Variants in KIRREL1 observed in about 807,000 individuals in gnomAD.
The protein encoded by KIRREL1 is kin of IRRE-like protein 1.
In KIRREL1, 25 loss-of-function variants were observed where a neutral mutation model predicts 83.3. The observed-to-expected ratio is 0.30, with a 90% confidence interval of 0.22 to 0.42. The LOEUF (loss-of-function observed/expected upper bound fraction) is 0.42, where lower values mean the gene tolerates loss of function less well. Among genes scored for constraint, KIRREL1 ranks in the 10% least tolerant of loss-of-function variants. KIRREL1 has a pLI of 1.00. For missense variants in KIRREL1, 812 were observed against 1,032.3 expected, an observed-to-expected ratio of 0.79 and a Z score of 2.92; for synonymous variants, 388 against 410.4, an observed-to-expected ratio of 0.95 and a Z score of 0.66.
chr1:158,005,881 G>T (rs1011399654), intron 1 of KIRREL1, among the ~76,000 whole-genome samples: 1 of 151,812 alleles, frequency 6.6e-6, no homozygotes. Flanking sequence ...AGATCCACAG[G>T]CCAGAGGAGA....
At chr1:158,067,765 C>G (rs1404723904) in intron 1 of KIRREL1, among the ~76,000 whole-genome samples, 1 of 152,216 alleles carries the variant, frequency 6.6e-6, no homozygotes, top group Non-Finnish European at 1.5e-5. Flanking sequence ...TTTTTCAGGG[C>G]TCTGTTCCTG....
At chr1:158,087,160 A>G (rs1010263780) in intron 5 of KIRREL1, among the ~76,000 whole-genome samples, 1 of 152,160 alleles carries the variant, frequency 6.6e-6, no homozygotes, top group Non-Finnish European at 1.5e-5. Context: ...AGATGTATTC[A>G]TATGTGTGAC....
Position 158,095,188 on chromosome 1 carries a change from T to TA in KIRREL1, c.*68_*69insA. On this transcript the variant is annotated 3_prime_UTR_variant, in exon 15 of 15. Transcript: ENST00000359209. ...AGGCTTTCACAGCTGTTCCCTGATA[T>TA]TCAGGGGCATTGCTCATTGCTCCCT... 8.2e-6 allele frequency: 9 copies of TA among 1,101,108 alleles called. No individual in the cohort carries two copies. The highest frequency in any genetic ancestry group is 1.2e-5 in the Non-Finnish European group (9 of 770,618). 68.2% of individuals were successfully genotyped at this position (1,101,108 alleles called of 1,614,324 possible).
At chr1:158,083,137 C>A (rs1661912292) in intron 3 of KIRREL1, among the ~76,000 whole-genome samples, 1 of 152,142 alleles carries the variant, frequency 6.6e-6, no homozygotes, top group Non-Finnish European at 1.5e-5. Context: ...GGAGGGAGAG[C>A]CCCCCTTGTT....
intron 13 of KIRREL1, 35 bp downstream of exon 13, chr1:158,093,797 C>T (rs1326761663): frequency 6.2e-7 from 1 of 1,611,344 alleles, no homozygotes; most frequent in Admixed American, 1.7e-5. Flanking sequence ...CTCCTGCCTT[C>T]TCCACCCTCT....
At chr1:158,063,872 A>G (rs1044339502) in intron 1 of KIRREL1, among the ~76,000 whole-genome samples, 2 of 152,178 alleles carry the variant, frequency 1.3e-5, no homozygotes. Flanking sequence ...GTCGCACTGT[A>G]TGGACTTGGT....
intron 1 of KIRREL1, among the ~76,000 whole-genome samples, chr1:158,068,689 C>T (rs1661422940): frequency 6.6e-6 from 1 of 152,204 alleles, no homozygotes; most frequent in Non-Finnish European, 1.5e-5. Flanking sequence ...CTCTCCTTCG[C>T]CCTTCGATGG....
intron 1 of KIRREL1, 85 bp downstream of exon 1, chr1:157,993,813 C>CCCCGCGG: frequency 2.2e-6 from 2 of 900,644 alleles, no homozygotes; most frequent in Non-Finnish European, 3.2e-6. Context: ...TGCTGGAGTG[C>CCCCGCGG]CCCGCGGCCC....
rs1662354257 is a variant in KIRREL1, at chr1:158,096,324, C to A, written c.*1204C>A. On this transcript the variant is annotated 3_prime_UTR_variant, in exon 15 of 15. Coordinates refer to ENST00000359209, the MANE Select transcript of KIRREL1 (RefSeq NM_018240.7). ...CTATGTCCCATCAGTTGGTTGGAGG[C>A]CACCTTCCAGGGGGTATGGGAGACA... is the stretch of plus-strand genomic sequence containing the variant. 2.9e-6 allele frequency: 1 copy of A among 347,102 alleles called. No individual in the cohort carries two copies. The highest frequency in any genetic ancestry group is 7.6e-5 in the East Asian group (1 of 13,238). 21.5% of individuals were successfully genotyped at this position (347,102 alleles called of 1,614,324 possible).
At chr1:158,040,025 G>T (rs1660582889) in intron 1 of KIRREL1, among the ~76,000 whole-genome samples, 2 of 152,206 alleles carry the variant, frequency 1.3e-5, no homozygotes, top group South Asian at 4.1e-4. Flanking sequence ...GATGCACAAG[G>T]GGTTCTCCAG....
At chr1:158,015,472 A>C (rs1475966016) in intron 1 of KIRREL1, among the ~76,000 whole-genome samples, 1 of 152,198 alleles carries the variant, frequency 6.6e-6, no homozygotes, top group Non-Finnish European at 1.5e-5. Context: ...AATTGCTTTT[A>C]CTGAACTGAG....
chr1:158,093,903 TCACA>T, intron 13 of KIRREL1, 141 bp downstream of exon 13: 5 of 874,508 alleles, frequency 5.7e-6, no homozygotes, highest in Non-Finnish European at 8.8e-6. Context: ...TCTCCCACAC[TCACA>T]CACATTCTCT....
chr1:158,094,628 C>T lies in KIRREL1; in HGVS notation c.1798-16C>T. 6.4e-7 allele frequency: 1 copy of T among 1,567,290 alleles called. No homozygotes were observed. Among genetic ancestry groups the T allele is most frequent in the Non-Finnish European group, 8.7e-7 (1 of 1,154,898 alleles). On this transcript the variant is annotated splice_polypyrimidine_tract_variant and intron_variant, in intron 14 of 14. Transcript: ENST00000359209. This position sits in a 1 kb window ranked among gnomAD's most constrained non-coding sequence, Gnocchi z 4.6. ...GAGGGAACACTGCCTCCATCCTCTT[C>T]TCTCATTGCCCCCAGGACCCCACCA...
chr1:158,010,339 AC>A (rs1659639287), intron 1 of KIRREL1, among the ~76,000 whole-genome samples: 1 of 140,024 alleles, frequency 7.1e-6, no homozygotes, highest in East Asian at 2.0e-4. Context: ...ACACACACAC[AC>A]ACACACACAC....
Position 157,993,742 on chromosome 1 carries a change from GC to G in KIRREL1, c.52+17del. 6.8e-7 allele frequency: 1 copy of G among 1,480,154 alleles called. No individual in the cohort carries two copies. The highest frequency in any genetic ancestry group is 2.4e-5 in the Admixed American group (1 of 42,244). The allele number at this position is 1,480,154 out of a possible 1,614,324, so 91.7% of individuals were successfully genotyped here. ...CTTTCTCCCAAGGTAAGGGCCCCCA[GC>G]CCACCCCCGGACGCTCGGCTTCCCC... On this transcript the variant is annotated intron_variant, in intron 1 of 14. Coordinates refer to ENST00000359209, the MANE Select transcript of KIRREL1 (RefSeq NM_018240.7).
intron 10 of KIRREL1, among the ~76,000 whole-genome samples, chr1:158,090,397 A>G (rs1174673162): frequency 6.6e-6 from 1 of 151,822 alleles, no homozygotes; most frequent in Non-Finnish European, 1.5e-5. Context: ...CCCCCACACC[A>G]TGAGCCATTA....
Position 158,089,600 on chromosome 1 carries a change from T to A in KIRREL1, c.1143T>A (p.Ala381=), listed in dbSNP as rs1662129092. 1 of 1,613,704 alleles carries A rather than the reference T, an allele frequency of 6.2e-7. No individual in the cohort carries two copies. Among genetic ancestry groups the A allele is most frequent in the African/African-American group, 1.3e-5 (1 of 74,916 alleles). ...CRAIVPRIGV[A]EREVPLYVNG... ...CCATCGTGCCTCGAATCGGAGTGGC[T>A]GAGCGGGAGGTGCCGCTCTATGTGA... Residue 381 remains alanine, a synonymous_variant, in exon 9 of 15, where the codon GCT becomes GCA. Transcript: ENST00000359209.
In KIRREL1 at chr1:158,093,374, A is replaced by G. The variant is rs146451784; in HGVS notation, c.1507A>G (p.Ile503Val). ...LPVGIIAGAT[I>V]GASILLIFFF... ...TGTGGGCATCATAGCTGGGGCCACC[A>G]TCGGCGCGAGCATCCTGCTCATCTT... Residue 503 changes from isoleucine to valine, a missense_variant, in exon 12 of 15, where the codon ATC becomes GTC. This residue lies in a region of KIRREL1 where 334 missense variants were observed against 383.7 expected (regional missense o/e 0.87). Transcript: ENST00000359209. 32 of 1,614,116 alleles carry G rather than the reference A, an allele frequency of 2.0e-5. 1 individual carries two copies. The South Asian group carries it at 2.7e-4, about 14-fold the overall frequency.
At chr1:158,007,350 G>A (rs945672514) in intron 1 of KIRREL1, among the ~76,000 whole-genome samples, 2 of 152,152 alleles carry the variant, frequency 1.3e-5, no homozygotes, top group African/African-American at 4.8e-5. Context: ...GGTGGAAGGA[G>A]GACACCAGGT....
Sources: allele counts gnomAD v4.1 joint callset (sites outside exome capture counted in the v4.1 genomes callset), GRCh38; gene constraint gnomAD v4.1.1; regional missense constraint gnomAD v4.1.1; non-coding constraint Gnocchi (gnomAD v3.1); transcripts MANE v1.5; gene names NCBI Gene and HGNC (gene_info 2026-07-23, HGNC 2026-07-21).